CRTAC1: variants seen among roughly 807,000 people sequenced by gnomAD.
The protein encoded by CRTAC1 is cartilage acidic protein 1.
Under a neutral mutation model 67.8 loss-of-function variants are expected in CRTAC1, and 37 were observed. The observed-to-expected ratio is 0.55, with a 90% CI of 0.42 to 0.72. The LOEUF (loss-of-function observed/expected upper bound fraction) is 0.72, where lower values mean the gene tolerates loss of function less well. Ranked by LOEUF, CRTAC1 falls within the 30% of genes least tolerant of loss-of-function variation. The pLI is 0.00. For missense variants in CRTAC1, 780 were observed against 931.6 expected (o/e 0.84, Z 2.12); for synonymous variants, 348 against 371.0 (o/e 0.94, Z 0.71).
chr10:97,907,092 T>C (rs947868702), intron 6 of CRTAC1, among the ~76,000 whole-genome samples: 1 of 152,172 alleles, frequency 6.6e-6, no homozygotes, highest in Non-Finnish European at 1.5e-5. Context: ...GCAGGAAGTG[T>C]CCACTCTGTC....
chr10:97,975,052 G>A lies in CRTAC1; in HGVS notation c.224+36086C>T, dbSNP rs1272784193. On this transcript the variant is annotated intron_variant, in intron 2 of 14. Transcript: ENST00000370597. This position sits in a 1 kb window ranked among gnomAD's most constrained non-coding sequence, Gnocchi z 4.8. ...CGGAGCGCGGGCAGGGACTGGCGCG[G>A]GATCGATTCCCGGGTGGCGGTGGAG... is the stretch of plus-strand genomic sequence containing the variant. 6.6e-6 allele frequency among the ~76,000 whole-genome samples: 1 copy of A among 152,090 alleles called. No individual in the cohort carries two copies. Among genetic ancestry groups the A allele is most frequent in the Non-Finnish European group, 1.5e-5 (1 of 68,014 alleles).
chr10:97,951,740 T>A (rs2051359166), intron 2 of CRTAC1, among the ~76,000 whole-genome samples: 1 of 152,236 alleles, frequency 6.6e-6, no homozygotes, highest in Non-Finnish European at 1.5e-5. Context: ...AGACATTTTA[T>A]GGTTTGAATC....
chr10:98,006,350 C>T (rs538673127), intron 2 of CRTAC1, among the ~76,000 whole-genome samples: 3 of 152,340 alleles, frequency 2.0e-5, no homozygotes, highest in African/African-American at 7.2e-5. Flanking sequence ...CCTCACCCCA[C>T]AGGGAGCAGA....
Position 98,030,436 on chromosome 10 carries a change from T to C in CRTAC1, c.24+13A>G. 1 of 1,248,380 alleles carries C rather than the reference T, an allele frequency of 8.0e-7. No individual in the cohort carries two copies. Among genetic ancestry groups the C allele is most frequent in the Non-Finnish European group, 1.0e-6 (1 of 987,854 alleles). The allele number at this position is 1,248,380 out of a possible 1,614,324, so 77.3% of individuals were successfully genotyped here. On this transcript the variant is annotated intron_variant, in intron 1 of 14. Coordinates refer to ENST00000370597, the MANE Select transcript of CRTAC1 (RefSeq NM_018058.7). This position sits in a 1 kb window ranked among gnomAD's most constrained non-coding sequence, Gnocchi z 4.2. ...TCCGCCTTAGGGTGGGGGGCACCGG[T>C]GCAGATACTCACGCCGGGGTCAGCG...
chr10:97,971,452 T>G (rs1339158929), intron 2 of CRTAC1, among the ~76,000 whole-genome samples: 12 of 152,138 alleles, frequency 7.9e-5, no homozygotes, highest in Non-Finnish European at 1.8e-4. Context: ...GGTAGAGTAG[T>G]CAAATTCATA....
chr10:97,968,199 T>C (rs2051649342), intron 2 of CRTAC1, among the ~76,000 whole-genome samples: 1 of 152,230 alleles, frequency 6.6e-6, no homozygotes, highest in Non-Finnish European at 1.5e-5. Flanking sequence ...GAAGTAATTC[T>C]GCTGCTCCCT....
At chr10:97,988,701 C>G (rs947932206) in intron 2 of CRTAC1, among the ~76,000 whole-genome samples, 3 of 152,174 alleles carry the variant, frequency 2.0e-5, no homozygotes, top group African/African-American at 7.2e-5. Flanking sequence ...GCCTGGGCAA[C>G]AGAGCAAGAC....
At chr10:98,002,250 C>T (rs542980810) in intron 2 of CRTAC1, among the ~76,000 whole-genome samples, 87 of 152,256 alleles carry the variant, frequency 5.7e-4, no homozygotes, top group Middle Eastern at 3.4e-3. Flanking sequence ...TCAGCAGAGG[C>T]ATTTTTAGTG....
At position 98,017,007 on chromosome 10, in the gene CRTAC1, C is replaced by T. The variant is rs1843011873; in HGVS notation, c.25-5670G>A. 5.3e-5 allele frequency among the ~76,000 whole-genome samples: 8 copies of T among 152,158 alleles called. No homozygotes were observed. In the South Asian group the frequency reaches 1.7e-3, roughly 32 times the overall value. Reference sequence around the variant, plus strand: ...ACTCAGGGAGCCTCTTGTCACACCACTGTGAACATCTGAATCCTTGGGGAG... The same window carrying T: ...ACTCAGGGAGCCTCTTGTCACACCATTGTGAACATCTGAATCCTTGGGGAG... On this transcript the variant is annotated intron_variant, in intron 1 of 14. Transcript: ENST00000370597.
chr10:97,969,185 C>T (rs2051666634), intron 2 of CRTAC1, among the ~76,000 whole-genome samples: 1 of 152,218 alleles, frequency 6.6e-6, no homozygotes, highest in Non-Finnish European at 1.5e-5. Context: ...ATGCCTGTAC[C>T]ATCCCAGCTC....
chr10:98,028,811 G>A (rs1046313747), intron 1 of CRTAC1, among the ~76,000 whole-genome samples: 1 of 152,152 alleles, frequency 6.6e-6, no homozygotes, highest in African/African-American at 2.4e-5. Context: ...ATATCTCCAG[G>A]CTGAAGCAGG....
At chr10:97,878,531 T>C (rs1363936247) in intron 14 of CRTAC1, 2 of 1,129,742 alleles carry the variant, frequency 1.8e-6, no homozygotes, top group Non-Finnish European at 1.1e-6. Flanking sequence ...TGACTTTTTT[T>C]CCCCATGAAG....
At chr10:97,951,421 T>C (rs893136213) in intron 2 of CRTAC1, among the ~76,000 whole-genome samples, 6 of 152,208 alleles carry the variant, frequency 3.9e-5, no homozygotes, top group Non-Finnish European at 8.8e-5. Context: ...AAAAAATTTA[T>C]GTATAAAGCT....
chr10:97,958,187 G>A (rs1342388470), intron 2 of CRTAC1, among the ~76,000 whole-genome samples: 1 of 152,048 alleles, frequency 6.6e-6, no homozygotes, highest in Admixed American at 6.5e-5. Flanking sequence ...TAACCTCCTG[G>A]CTCCCTCAGC....
At chr10:97,999,919 G>A (rs1842655693) in intron 2 of CRTAC1, among the ~76,000 whole-genome samples, 1 of 152,176 alleles carries the variant, frequency 6.6e-6, no homozygotes, top group Admixed American at 6.5e-5. Flanking sequence ...GCAAAGAGAA[G>A]CCACCCACTC....
At chr10:97,933,654 T>C (rs2051036616) in intron 3 of CRTAC1, among the ~76,000 whole-genome samples, 1 of 152,212 alleles carries the variant, frequency 6.6e-6, no homozygotes, top group Non-Finnish European at 1.5e-5. Context: ...GGATAGAGTG[T>C]GAACTTCACG....
At chr10:97,960,452 C>T (rs1391854312) in intron 2 of CRTAC1, among the ~76,000 whole-genome samples, 1 of 152,236 alleles carries the variant, frequency 6.6e-6, no homozygotes, top group African/African-American at 2.4e-5. Context: ...ATATATAGCA[C>T]ATGTTTCCAT....
chr10:97,957,801 C>G (rs1408364202), intron 2 of CRTAC1, among the ~76,000 whole-genome samples: 3 of 152,108 alleles, frequency 2.0e-5, no homozygotes, highest in East Asian at 3.9e-4. Flanking sequence ...GAATGAAGTG[C>G]ATGAAATACA....
chr10:97,996,697 C>G (rs540736949), intron 2 of CRTAC1, among the ~76,000 whole-genome samples: 3 of 152,238 alleles, frequency 2.0e-5, no homozygotes, highest in Non-Finnish European at 4.4e-5. Context: ...GGATCTAGAA[C>G]TAGAAATACC....
Sources: allele counts gnomAD v4.1 joint callset (sites outside exome capture counted in the v4.1 genomes callset), GRCh38; gene constraint gnomAD v4.1.1; non-coding constraint Gnocchi (gnomAD v3.1); transcripts MANE v1.5; gene names NCBI Gene and HGNC (gene_info 2026-07-23, HGNC 2026-07-21).